RGS6: variants seen among roughly 807,000 people sequenced by gnomAD.
RGS6 encodes regulator of G-protein signaling 6.
A neutral mutation model predicts 78.5 loss-of-function variants in RGS6; 30 were observed. The ratio of observed to expected loss-of-function variants is 0.38; its 90% CI spans 0.29 to 0.52. The LOEUF (loss-of-function observed/expected upper bound fraction) is 0.52, where lower values mean the gene tolerates loss of function less well. RGS6 is among the 20% of genes least tolerant of loss of function. The pLI, the probability that RGS6 is intolerant of heterozygous loss-of-function variation, is 0.85. For synonymous variants in RGS6, 206 were observed against 206.0 expected, an observed-to-expected ratio of 1.00 and a Z score of 0.00; for missense variants, 495 against 609.7, an observed-to-expected ratio of 0.81 and a Z score of 1.98.
intron 2 of RGS6, among the ~76,000 whole-genome samples, chr14:72,123,053 G>C (rs1203422075): frequency 2.0e-5 from 3 of 152,112 alleles, no homozygotes; most frequent in Non-Finnish European, 4.4e-5. Context: ...TTCAACCTCT[G>C]CCTCCTGGGT....
chr14:71,880,094 G>A, the RGS6 span, among the ~76,000 whole-genome samples: 23 of 152,352 alleles, frequency 1.5e-4, no homozygotes, highest in African/African-American at 5.5e-4. Flanking sequence ...TTAGCAAAGA[G>A]ACTGGTGGCA....
the RGS6 span, among the ~76,000 whole-genome samples, chr14:71,870,462 C>G: frequency 6.6e-6 from 1 of 152,094 alleles, no homozygotes; most frequent in East Asian, 1.9e-4. Context: ...CCCCTGGATA[C>G]TATTTAAGGA....
intron 2 of RGS6, among the ~76,000 whole-genome samples, chr14:72,323,428 G>A (rs577984685): frequency 3.3e-5 from 5 of 151,306 alleles, no homozygotes; most frequent in African/African-American, 9.7e-5. Flanking sequence ...TACAGGTAAT[G>A]CAATGCAATA....
rs1037525162 is a variant in RGS6, at chr14:72,323,437, TA to T, written c.85-28647del. Reference sequence around the variant, plus strand: ...AAGTTATACAGGTAATGCAATGCAATAAAAAAAAAAACAATAGAATCTACAG... The same window carrying T: ...AAGTTATACAGGTAATGCAATGCAATAAAAAAAAAACAATAGAATCTACAG... On this transcript the variant is annotated intron_variant, in intron 2 of 17. Coordinates refer to ENST00000553525, the MANE Select transcript of RGS6 (RefSeq NM_001204424.2). 5.1e-3 allele frequency among the ~76,000 whole-genome samples: 694 copies of T among 137,398 alleles called. 3 individuals carry two copies. Among genetic ancestry groups the T allele is most frequent in the African/African-American group, 0.016 (614 of 37,454 alleles). 90.1% of individuals were successfully genotyped at this position (137,398 alleles called of 152,430 possible).
chr14:72,274,683 A>G (rs1394101834), intron 2 of RGS6, among the ~76,000 whole-genome samples: 1 of 152,328 alleles, frequency 6.6e-6, no homozygotes. Context: ...GGAGGGTCAG[A>G]GTCAGAGAAG....
At chr14:72,049,006 C>T (rs1442108720) in intron 2 of RGS6, among the ~76,000 whole-genome samples, 1 of 152,066 alleles carries the variant, frequency 6.6e-6, no homozygotes, top group Non-Finnish European at 1.5e-5. Flanking sequence ...AACAATTTCC[C>T]AGAGTTAATT....
At chr14:72,474,286 T>C (rs1040475180) in intron 9 of RGS6, among the ~76,000 whole-genome samples, 2 of 152,180 alleles carry the variant, frequency 1.3e-5, no homozygotes, top group South Asian at 4.1e-4. Flanking sequence ...AATAAATAGC[T>C]ACTCATCCTG....
intron 3 of RGS6, among the ~76,000 whole-genome samples, chr14:72,356,355 T>C (rs956007206): frequency 3.3e-5 from 5 of 152,166 alleles, no homozygotes; most frequent in Admixed American, 2.0e-4. Flanking sequence ...ATGCCTTTTT[T>C]CCCCTTTACC....
At position 72,240,327 on chromosome 14, in the gene RGS6, T is replaced by TG. The variant is rs749734302; in HGVS notation, c.85-111761dup. 9.0e-4 allele frequency among the ~76,000 whole-genome samples: 137 copies of TG among 151,886 alleles called. 2 individuals are homozygous for TG. Among genetic ancestry groups the TG allele is most frequent in the South Asian group, 1.9e-3 (9 of 4,774 alleles). ...CAAGTCAACTGTGAGTTAATCGGGG[T>TG]GGGGGGGATTTTTAAATGCAAGTCT... On this transcript the variant is annotated intron_variant, in intron 2 of 17. Coordinates refer to ENST00000553525, the MANE Select transcript of RGS6 (RefSeq NM_001204424.2).
chr14:72,058,756 T>G (rs1019452791), intron 2 of RGS6, among the ~76,000 whole-genome samples: 10 of 152,332 alleles, frequency 6.6e-5, no homozygotes, highest in African/African-American at 2.4e-4. Flanking sequence ...GTGTCAATTA[T>G]CTAACACTTC....
intron 2 of RGS6, among the ~76,000 whole-genome samples, chr14:72,131,503 G>A (rs947414613): frequency 2.6e-5 from 4 of 152,176 alleles, no homozygotes; most frequent in African/African-American, 9.7e-5. Flanking sequence ...GTCCCTTTGG[G>A]TTCAACAGTA....
At chr14:71,885,217 A>C in the RGS6 span, among the ~76,000 whole-genome samples, 1 of 152,208 alleles carries the variant, frequency 6.6e-6, no homozygotes, top group African/African-American at 2.4e-5. Context: ...TAAACAAAAC[A>C]AACAAAACCT....
At chr14:72,109,178 C>A (rs781200975) in intron 2 of RGS6, among the ~76,000 whole-genome samples, 1 of 151,880 alleles carries the variant, frequency 6.6e-6, no homozygotes, top group Non-Finnish European at 1.5e-5. Flanking sequence ...TTTTTCCCAG[C>A]AGCTTCTCTC....
chr14:72,099,765 G>A (rs2095490150), intron 2 of RGS6, among the ~76,000 whole-genome samples: 1 of 152,116 alleles, frequency 6.6e-6, no homozygotes, highest in South Asian at 2.1e-4. Context: ...CTTTAGACTT[G>A]TTCCTTTTTG....
chr14:71,935,263 T>C (rs1192672342), intron 1 of RGS6, among the ~76,000 whole-genome samples: 1 of 152,216 alleles, frequency 6.6e-6, no homozygotes, highest in Non-Finnish European at 1.5e-5. Flanking sequence ...AATATTTAGC[T>C]ATTGAAACAG....
intron 2 of RGS6, among the ~76,000 whole-genome samples, chr14:72,014,462 G>A (rs570853415): frequency 3.3e-4 from 50 of 152,182 alleles, no homozygotes; most frequent in Non-Finnish European, 5.1e-4. Flanking sequence ...TTCTTTGTAT[G>A]AGGCTTTGAT....
chr14:71,885,545 A>C, the RGS6 span, among the ~76,000 whole-genome samples: 285 of 152,322 alleles, frequency 1.9e-3, 1 homozygote, highest in Non-Finnish European at 3.0e-3. Context: ...CATGAAGGGA[A>C]TGTCTCCGTG....
chr14:72,378,069 A>G (rs1045116079), intron 3 of RGS6, among the ~76,000 whole-genome samples: 1 of 152,232 alleles, frequency 6.6e-6, no homozygotes, highest in Non-Finnish European at 1.5e-5. Flanking sequence ...GACATTTGAA[A>G]CTATACAAAT....
chr14:72,567,876 C>A (rs2097715561), downstream of RGS6, among the ~76,000 whole-genome samples: 1 of 152,262 alleles, frequency 6.6e-6, no homozygotes, highest in African/African-American at 2.4e-5. Flanking sequence ...CGTGGGACTT[C>A]CGACACCTGC....
Sources: gnomAD v4.1 joint callset for allele counts (sites outside exome capture counted in the v4.1 genomes callset) on GRCh38, gnomAD v4.1.1 for gene constraint, MANE v1.5 for transcripts, NCBI Gene and HGNC (gene_info 2026-07-23, HGNC 2026-07-21) for gene names.